The following RICTOR variants were observed in gnomAD, a reference collection of about 807,000 sequenced individuals.
RICTOR encodes rapamycin-insensitive companion of mTOR.
A neutral mutation model predicts 214.9 loss-of-function variants in RICTOR; 49 were observed. The observed-to-expected ratio is 0.23, with a 90% CI of 0.18 to 0.29. The LOEUF (loss-of-function observed/expected upper bound fraction) is 0.29. Ranked by LOEUF, RICTOR falls within the 10% of genes least tolerant of loss-of-function variation. The pLI, the probability that RICTOR is intolerant of heterozygous loss-of-function variation, is 1.00. For missense variants in RICTOR, 1,625 were observed against 2,047.0 expected (o/e 0.79, Z 3.98); for synonymous variants, 717 against 711.3 (o/e 1.01, Z -0.13).
chr5:38,960,218 T>G (rs535903886), intron 20 of RICTOR, among the ~76,000 whole-genome samples, 180 bp downstream of exon 20: 1 of 13,360 alleles, frequency 7.5e-5, no homozygotes, highest in Admixed American at 9.9e-4. Context: ...ACTTGCCCAG[T>G]CTCATAACTA....
intron 2 of RICTOR, among the ~76,000 whole-genome samples, chr5:39,028,920 A>G (rs1003745830): frequency 2.0e-5 from 3 of 152,204 alleles, no homozygotes; most frequent in African/African-American, 7.2e-5. Context: ...CAATATTAAT[A>G]AGAAAAAAAC....
chr5:39,032,407 T>A (rs544274138), intron 2 of RICTOR, among the ~76,000 whole-genome samples: 1 of 152,166 alleles, frequency 6.6e-6, no homozygotes, highest in Non-Finnish European at 1.5e-5. Flanking sequence ...CAATGGCAAG[T>A]CAATCAGTTT....
chr5:38,979,478 C>T (rs986831608), intron 8 of RICTOR, among the ~76,000 whole-genome samples: 2 of 152,168 alleles, frequency 1.3e-5, no homozygotes, highest in African/African-American at 4.8e-5. Flanking sequence ...TTCCTTCCTG[C>T]ATTTCTTTGT....
intron 7 of RICTOR, among the ~76,000 whole-genome samples, chr5:38,983,214 AC>A (rs1751868884): frequency 6.6e-6 from 1 of 152,218 alleles, no homozygotes; most frequent in African/African-American, 2.4e-5. Flanking sequence ...TCCCAAACAC[AC>A]ACACAAGTCA....
In RICTOR at chr5:38,948,232, A is replaced by G. The variant is rs375467822; in HGVS notation, c.4137-791T>C. Among the ~76,000 whole-genome samples, 6 of 152,260 alleles carry G rather than the reference A, an allele frequency of 3.9e-5. No homozygotes were observed. The South Asian group carries it at 8.3e-4, about 21-fold the overall frequency. ...ATATGAAGATATTTTTGTTTGGAAA[A>G]CCAAGTCTTTAAAATGTACGAATGC... On this transcript the variant is annotated intron_variant, in intron 31 of 37. Transcript: ENST00000357387.
At chr5:39,074,017 C>A (rs1004604420) in intron 2 of RICTOR, 94 bp downstream of exon 2, 1 of 901,788 alleles carries the variant, frequency 1.1e-6, no homozygotes, top group Non-Finnish European at 1.5e-6. Context: ...CCGCCGGTCC[C>A]GTGCGGGGCC....
chr5:39,032,385 GTCAA>G (rs1420504717), intron 2 of RICTOR, among the ~76,000 whole-genome samples: 3 of 152,144 alleles, frequency 2.0e-5, no homozygotes, highest in Admixed American at 2.0e-4. Flanking sequence ...AGAAAAACCT[GTCAA>G]TCAATTACAA....
At chr5:38,956,104 C>T (rs1286777047) in intron 25 of RICTOR, among the ~76,000 whole-genome samples, 1 of 152,062 alleles carries the variant, frequency 6.6e-6, no homozygotes, top group Non-Finnish European at 1.5e-5. Context: ...ATCCAATCAG[C>T]CCACAAATTC....
chr5:38,955,577 T>C lies in RICTOR; in HGVS notation c.2609+18A>G. On this transcript the variant is annotated intron_variant, in intron 26 of 37. Transcript: ENST00000357387. Reference sequence around the variant, plus strand: ...ATTTATGATGAACTAGTTTTAAATCTGATAACTGGGTACGCACCTTTGGTT... The same window carrying C: ...ATTTATGATGAACTAGTTTTAAATCCGATAACTGGGTACGCACCTTTGGTT... 7.6e-7 allele frequency: 1 copy of C among 1,315,614 alleles called. No homozygotes were observed. The highest frequency in any genetic ancestry group is 1.1e-6 in the Non-Finnish European group (1 of 914,184). The allele number at this position is 1,315,614 out of a possible 1,614,324, so 81.5% of individuals were successfully genotyped here. A position where few individuals can be genotyped will look rare whatever the true frequency, so the allele number is the denominator to read the frequency against.
chr5:39,012,686 T>C (rs1754629672), intron 3 of RICTOR, among the ~76,000 whole-genome samples: 1 of 152,182 alleles, frequency 6.6e-6, no homozygotes, highest in Admixed American at 6.6e-5. Flanking sequence ...CTTGTTATTA[T>C]ATATTAAGAA....
intron 2 of RICTOR, among the ~76,000 whole-genome samples, chr5:39,041,408 T>A (rs528176565): frequency 6.6e-6 from 1 of 152,264 alleles, no homozygotes; most frequent in East Asian, 1.9e-4. Context: ...AGTTAACATA[T>A]CTTATATCTT....
intron 10 of RICTOR, among the ~76,000 whole-genome samples, chr5:38,973,972 C>T (rs1018348886): frequency 2.0e-5 from 3 of 152,142 alleles, no homozygotes; most frequent in Non-Finnish European, 1.5e-5. Flanking sequence ...GAGACAAATG[C>T]TTTCAAGGTT....
Position 38,940,553 on chromosome 5 carries a change from A to G in RICTOR, c.*1751T>C. The G allele has an allele frequency of 4.3e-6, 1 of 232,606 alleles. No individual in the cohort carries two copies. Among genetic ancestry groups the G allele is most frequent in the African/African-American group, 2.2e-5 (1 of 45,414 alleles). The allele number at this position is 232,606 out of a possible 1,614,324, so 14.4% of individuals were successfully genotyped here. On this transcript the variant is annotated 3_prime_UTR_variant, in exon 38 of 38. Transcript: ENST00000357387. Reference sequence around the variant, plus strand: ...CACTTGGGTTCAGTGATAAAGTATAAAAAAATTATTTATCTTCAACTGGAT... The same window carrying G: ...CACTTGGGTTCAGTGATAAAGTATAGAAAAATTATTTATCTTCAACTGGAT...
chr5:38,956,835 T>C (rs1427138116), intron 25 of RICTOR, among the ~76,000 whole-genome samples: 1 of 152,164 alleles, frequency 6.6e-6, no homozygotes, highest in Non-Finnish European at 1.5e-5. Flanking sequence ...AGTTCTACAA[T>C]TCATCAAATA....
chr5:38,981,057 T>C (rs1751682656), intron 8 of RICTOR: 1 of 152,194 alleles, frequency 6.6e-6, no homozygotes, highest in South Asian at 2.1e-4. Flanking sequence ...ACATTGTTAG[T>C]TAATAATATA....
chr5:38,968,153 A>G, intron 11 of RICTOR, 123 bp from the exon 12 acceptor site: 1 of 635,332 alleles, frequency 1.6e-6, no homozygotes, highest in Non-Finnish European at 2.9e-6. Flanking sequence ...CATGTCACAT[A>G]ACAATATTTT....
chr5:38,942,986 T>A lies in RICTOR; in HGVS notation c.4914-15A>T, dbSNP rs1478052839. 6.3e-7 allele frequency: 1 copy of A among 1,577,314 alleles called. No individual in the cohort carries two copies. Among genetic ancestry groups the A allele is most frequent in the African/African-American group, 1.3e-5 (1 of 74,274 alleles). On this transcript the variant is annotated splice_polypyrimidine_tract_variant and intron_variant, in intron 36 of 37. Coordinates refer to ENST00000357387, the MANE Select transcript of RICTOR (RefSeq NM_152756.5). ...TCTCCTTAATTCTAAAATAAAAGAT[T>A]ATGGTGTGATGAAAACTGTAATCAT...
At chr5:38,994,950 T>C (rs1451663671) in intron 6 of RICTOR, among the ~76,000 whole-genome samples, 3 of 152,172 alleles carry the variant, frequency 2.0e-5, no homozygotes, top group Non-Finnish European at 4.4e-5. Context: ...TACAAAGACA[T>C]TATTTGTCCT....
chr5:38,985,876 A>G (rs561240451), intron 7 of RICTOR, among the ~76,000 whole-genome samples: 1 of 152,122 alleles, frequency 6.6e-6, no homozygotes, highest in Non-Finnish European at 1.5e-5. Flanking sequence ...TTGTATTTTT[A>G]GTAGAGACAG....
Sources: allele counts gnomAD v4.1 joint callset (sites outside exome capture counted in the v4.1 genomes callset), GRCh38; gene constraint gnomAD v4.1.1; transcripts MANE v1.5; gene names NCBI Gene and HGNC (gene_info 2026-07-23, HGNC 2026-07-21).